SLCO3A1: variants seen among roughly 807,000 people sequenced by gnomAD.
SLCO3A1 encodes the protein solute carrier organic anion transporter family member 3A1.
In SLCO3A1, 27 loss-of-function variants were observed where a neutral mutation model predicts 63.1. That is an observed-to-expected ratio of 0.43 (90% CI 0.32 to 0.59). The LOEUF is 0.59. SLCO3A1 is among the 20% of genes least tolerant of loss of function. The probability of loss-of-function intolerance (pLI) is 0.09; values close to 1 mark genes in which losing one functional copy is unlikely to be tolerated. For missense variants in SLCO3A1, 773 were observed against 945.8 expected, an observed-to-expected ratio of 0.82 and a Z score of 2.40; for synonymous variants, 473 against 409.9, an observed-to-expected ratio of 1.15 and a Z score of -1.86.
rs1897132945 is a variant in SLCO3A1 at position 91,865,041 on chromosome 15, C to T, written c.180+10953C>T. ...CCATGGGCAGTGTCCTTTCTGCCCC[C>T]TCCGTGGTTGGCCACCCGCTGTCCC... On this transcript the variant is annotated intron_variant, in intron 1 of 9. Transcript: ENST00000318445. This position sits in a 1 kb window ranked among gnomAD's most constrained non-coding sequence, Gnocchi z 4.6. Among the ~76,000 whole-genome samples the T allele has an allele frequency of 6.6e-6, 1 of 152,206 alleles. No individual in the cohort carries two copies. Among genetic ancestry groups the T allele is most frequent in the Non-Finnish European group, 1.5e-5 (1 of 68,030 alleles).
chr15:92,147,702 TAC>T (rs2048246960), intron 8 of SLCO3A1, among the ~76,000 whole-genome samples: 1 of 152,202 alleles, frequency 6.6e-6, no homozygotes, highest in Non-Finnish European at 1.5e-5. Flanking sequence ...ACCATTCTTG[TAC>T]AAAGAGGTTG....
chr15:92,013,872 GAGATTGCTCA>G (rs2046396190), intron 2 of SLCO3A1, among the ~76,000 whole-genome samples: 2 of 152,102 alleles, frequency 1.3e-5, no homozygotes, highest in African/African-American at 4.8e-5. Context: ...CTCACCTTGT[GAGATTGCTCA>G]AGAATATGCT....
intron 4 of SLCO3A1, among the ~76,000 whole-genome samples, chr15:92,109,524 A>G (rs1220965633): frequency 6.6e-6 from 1 of 152,192 alleles, no homozygotes; most frequent in Admixed American, 6.5e-5. Context: ...AGCTGGGATG[A>G]GTGTAACCGC....
At chr15:92,136,442 G>T (rs971913339) in intron 7 of SLCO3A1, among the ~76,000 whole-genome samples, 4 of 152,138 alleles carry the variant, frequency 2.6e-5, no homozygotes, top group Admixed American at 6.5e-5. Flanking sequence ...CATGCCGACT[G>T]CTTCCTTCAT....
intron 4 of SLCO3A1, among the ~76,000 whole-genome samples, chr15:92,105,278 A>T (rs1374074372): frequency 6.6e-6 from 1 of 152,076 alleles, no homozygotes; most frequent in Non-Finnish European, 1.5e-5. Flanking sequence ...TCATCTCAAA[A>T]GAAAAAAAAG....
At chr15:91,937,034 C>G (rs973869351) in intron 2 of SLCO3A1, among the ~76,000 whole-genome samples, 2 of 152,160 alleles carry the variant, frequency 1.3e-5, no homozygotes, top group African/African-American at 4.8e-5. Context: ...TGAAAGGGGC[C>G]AGAGAGCCAG....
intron 5 of SLCO3A1, among the ~76,000 whole-genome samples, chr15:92,123,740 G>A (rs2047890058): frequency 6.6e-6 from 1 of 152,182 alleles, no homozygotes; most frequent in African/African-American, 2.4e-5. Context: ...TGACTCCTCT[G>A]CTGCTTTTTC....
intron 2 of SLCO3A1, among the ~76,000 whole-genome samples, chr15:91,938,488 T>G (rs1194977755): frequency 6.6e-6 from 1 of 151,894 alleles, no homozygotes; most frequent in Non-Finnish European, 1.5e-5. Flanking sequence ...TTTTGTTTTT[T>G]TTTTTTTTTG....
chr15:91,868,966 C>T (rs1650255417), intron 1 of SLCO3A1, among the ~76,000 whole-genome samples: 1 of 152,076 alleles, frequency 6.6e-6, no homozygotes, highest in African/African-American at 2.4e-5. Context: ...ACATATTCAT[C>T]ATGAAGAAAA....
intron 2 of SLCO3A1, among the ~76,000 whole-genome samples, chr15:92,073,325 G>A (rs2047238821): frequency 6.6e-6 from 1 of 152,220 alleles, no homozygotes; most frequent in African/African-American, 2.4e-5. Flanking sequence ...CTCATCCCAC[G>A]ACATTCTACC....
chr15:92,028,657 A>C (rs1333931905), intron 2 of SLCO3A1, among the ~76,000 whole-genome samples: 1 of 152,144 alleles, frequency 6.6e-6, no homozygotes, highest in Non-Finnish European at 1.5e-5. Context: ...TAATCGTTTT[A>C]AGCTAGAATG....
intron 3 of SLCO3A1, among the ~76,000 whole-genome samples, chr15:92,099,087 G>A (rs1220263878): frequency 6.6e-6 from 1 of 152,216 alleles, no homozygotes; most frequent in East Asian, 1.9e-4. Context: ...AGATGGCCTA[G>A]CCTCACCAGC....
At chr15:91,904,651 G>A (rs181262842) in intron 1 of SLCO3A1, among the ~76,000 whole-genome samples, 5 of 152,284 alleles carry the variant, frequency 3.3e-5, no homozygotes, top group Admixed American at 1.3e-4. Context: ...GAGGCAGGTC[G>A]GGGAAGGTGA....
At chr15:91,984,702 A>G (rs1389341433) in intron 2 of SLCO3A1, among the ~76,000 whole-genome samples, 1 of 152,230 alleles carries the variant, frequency 6.6e-6, no homozygotes, top group African/African-American at 2.4e-5. Context: ...ATATCTCAAG[A>G]CATAGAGATA....
intron 1 of SLCO3A1, among the ~76,000 whole-genome samples, chr15:91,866,037 C>T (rs1897156947): frequency 6.6e-6 from 1 of 152,072 alleles, no homozygotes; most frequent in South Asian, 2.1e-4. Context: ...GCGGACAGTC[C>T]CTGTTTCCTT....
chr15:91,871,574 G>T (rs192858368), intron 1 of SLCO3A1, among the ~76,000 whole-genome samples: 4 of 152,202 alleles, frequency 2.6e-5, no homozygotes, highest in Non-Finnish European at 5.9e-5. Flanking sequence ...AACTACTCAG[G>T]TGTTTTTTTC....
chr15:92,087,174 G>A (rs1294593293), intron 2 of SLCO3A1, among the ~76,000 whole-genome samples: 11 of 52,680 alleles, frequency 2.1e-4, no homozygotes, highest in African/African-American at 2.9e-4. Flanking sequence ...TCCGCCCACC[G>A]CCTATAGTTG....
In SLCO3A1 at chr15:92,047,563, T is replaced by TATATA. The variant is rs1567087908; in HGVS notation, c.647-47317_647-47313dup. Among the ~76,000 whole-genome samples the TATATA allele has an allele frequency of 4.5e-3, 39 of 8,760 alleles. 11 individuals are homozygous for TATATA. Among genetic ancestry groups the TATATA allele is most frequent in the Admixed American group, 0.012 (3 of 250 alleles). The allele number at this position is 8,760 out of a possible 152,430, so 5.7% of individuals were successfully genotyped here. On this transcript the variant is annotated intron_variant, in intron 2 of 9. Transcript: ENST00000318445. ...TATATAATATATAAATATATAAATA[T>TATATA]ATATATAAATATATATATAATATAT...
chr15:92,146,323 C>G (rs74028826), intron 7 of SLCO3A1, among the ~76,000 whole-genome samples: 5,148 of 152,292 alleles, frequency 0.034, 298 homozygotes, highest in African/African-American at 0.12. Context: ...ACTTTTCTTT[C>G]TTCTCTCTGA....
Sources: allele counts gnomAD v4.1 joint callset (sites outside exome capture counted in the v4.1 genomes callset), GRCh38; gene constraint gnomAD v4.1.1; non-coding constraint Gnocchi (gnomAD v3.1); transcripts MANE v1.5; gene names NCBI Gene and HGNC (gene_info 2026-07-23, HGNC 2026-07-21).